ZNF750: variants seen among roughly 807,000 people sequenced by gnomAD.
ZNF750 encodes protein ZNF750.
In ZNF750, 10 loss-of-function variants were observed where a neutral mutation model predicts 31.6. That is an observed-to-expected ratio of 0.32 (90% CI 0.19 to 0.54). ZNF750 has a LOEUF of 0.54. ZNF750 is among the 20% of genes least tolerant of loss of function. ZNF750 has a pLI of 0.95. For synonymous variants in ZNF750, 400 were observed against 404.9 expected, an observed-to-expected ratio of 0.99 and a Z score of 0.15; for missense variants, 914 against 934.9, an observed-to-expected ratio of 0.98 and a Z score of 0.29.
rs1327667083 is a variant in ZNF750, at chr17:82,831,706, T to C, written c.749A>G (p.His250Arg). ...PEYPPHFYTE[H>R]GLATIYSPYL... ...AGGCGAGTAGATGGTGGCCAGCCCG[T>C]GCTCTGTGTAAAAGTGAGGCGGGTA... The change falls in exon 2 of 3, where the codon CAC becomes CGC. Residue 250 changes from histidine (H) to arginine (R), a missense_variant. His to Arg is a conservative substitution (Grantham distance 29). This residue lies in a region of ZNF750 where 880 missense variants were observed against 868.9 expected (regional missense o/e 1.01). Coordinates refer to ENST00000269394, the MANE Select transcript of ZNF750 (RefSeq NM_024702.3). The surrounding 1 kb of genome is among the most constrained non-coding windows in gnomAD (Gnocchi z 4.6). 4 of 1,614,002 alleles carry C rather than the reference T, an allele frequency of 2.5e-6. No homozygotes were observed. The highest frequency in any genetic ancestry group is 3.4e-6 in the Non-Finnish European group (4 of 1,180,040).
chr17:82,832,532 A>G lies in ZNF750; in HGVS notation c.-78T>C, dbSNP rs920885170. The stretch of plus-strand genomic sequence containing the variant: ...ACGCCGCGTGCACTTCGTGGTTTCT[A>G]AAGAGGCACCTCCCGCTTTGCTTTC... On this transcript the variant is annotated 5_prime_UTR_variant, in exon 2 of 3. Coordinates refer to ENST00000269394, the MANE Select transcript of ZNF750 (RefSeq NM_024702.3). The surrounding 1 kb of genome is among the most constrained non-coding windows in gnomAD (Gnocchi z 4.9). 7 of 1,293,996 alleles carry G rather than the reference A, an allele frequency of 5.4e-6. No homozygotes were observed. The highest frequency in any genetic ancestry group is 2.9e-5 in the African/African-American group (2 of 68,910). 80.2% of individuals were successfully genotyped at this position (1,293,996 alleles called of 1,614,324 possible). A position where few individuals can be genotyped will look rare whatever the true frequency, so the allele number is the denominator to read the frequency against.
rs146491968 is a variant in ZNF750, at chr17:82,832,031, C to T, written c.424G>A (p.Ala142Thr). The change falls in exon 2 of 3, where the codon GCT (alanine) becomes ACT (threonine). Residue 142 changes from alanine (A) to threonine (T), a missense_variant. Coordinates refer to ENST00000269394, the MANE Select transcript of ZNF750 (RefSeq NM_024702.3). The surrounding 1 kb of genome is among the most constrained non-coding windows in gnomAD (Gnocchi z 4.9). Reference sequence around the variant, plus strand: ...TGGGCACCGAGGGCGGCTTCCGGAGCTGGGCTCTTGCAGGGTGATGCCCTG... The same window carrying T: ...TGGGCACCGAGGGCGGCTTCCGGAGTTGGGCTCTTGCAGGGTGATGCCCTG... ...LHRASPCKSP[A>T]PEAALGAQPA... 1,059 of 1,612,770 alleles carry T rather than the reference C, an allele frequency of 6.6e-4. 1 individual carries two copies. Among genetic ancestry groups the T allele is most frequent in the Non-Finnish European group, 5.7e-4 (669 of 1,178,908 alleles).
intron 1 of ZNF750, chr17:82,838,855 C>T (rs1251520851): frequency 1.0e-6 from 1 of 985,318 alleles, no homozygotes; most frequent in African/African-American, 1.7e-5. Flanking sequence ...ACGCTCACCA[C>T]TTTACAGTCG....
rs545667847 is a variant in ZNF750 at position 82,831,177 on chromosome 17, G to C, written c.1278C>G (p.Thr426=). The C allele has an allele frequency of 3.0e-5, 49 of 1,614,052 alleles. No homozygotes were observed. In the East Asian group the frequency reaches 1.1e-3, roughly 36 times the overall value. The change falls in exon 2 of 3, where the codon ACC becomes ACG. Residue 426 remains threonine, a synonymous_variant. Coordinates refer to ENST00000269394, the MANE Select transcript of ZNF750 (RefSeq NM_024702.3). This position sits in a 1 kb window ranked among gnomAD's most constrained non-coding sequence, Gnocchi z 4.6. ...SPTDFMQTSQ[T]CEGLYDLSNK... is the part of the protein sequence containing the mutation. ...TGGAGAGGTCGTACAGGCCTTCGCA[G>C]GTCTGGCTCGTCTGCATGAAGTCGG...
In ZNF750 at chr17:82,830,327, A is replaced by G; in HGVS notation, c.1987T>C (p.Cys663Arg). Residue 663 changes from cysteine to arginine, a missense_variant, in exon 3 of 3, where the codon TGC becomes CGC. Coordinates refer to ENST00000269394, the MANE Select transcript of ZNF750 (RefSeq NM_024702.3). ...CTCAGTGTGGGTGTGTCTTGCCGGCAGGCAGGTTCCGGGGCCGCAGCATCC... is the reference window on the plus strand; with the variant it reads ...CTCAGTGTGGGTGTGTCTTGCCGGCGGGCAGGTTCCGGGGCCGCAGCATCC... ...DGDAAAPEPA[C>R]RQDTPTLSSM... 6.2e-7 allele frequency: 1 copy of G among 1,614,026 alleles called. No homozygotes were observed. The highest frequency in any genetic ancestry group is 8.5e-7 in the Non-Finnish European group (1 of 1,180,016).
Position 82,830,246 on chromosome 17 carries a change from T to C in ZNF750, c.2068A>G (p.Thr690Ala). 1 of 1,614,240 alleles carries C rather than the reference T, an allele frequency of 6.2e-7. No homozygotes were observed. Among genetic ancestry groups the C allele is most frequent in the South Asian group, 1.1e-5 (1 of 91,084 alleles). Residue 690 changes from threonine to alanine, a missense_variant, in exon 3 of 3, where the codon ACA becomes GCA. Transcript: ENST00000269394. ...CDLRPKGQKR[T>A]SLRDAGKSQQ... ...GATTTTCCAGCATCCCTTAGACTTG[T>C]CCTCTTTTGTCCTTTGGGTCTGAGG...
chr17:82,830,368 A>G lies in ZNF750; in HGVS notation c.1946T>C (p.Ile649Thr), dbSNP rs760148485. ...CQLAAYSPRN[I>T]RVGDGDAAAP... ...CGCAGCATCCCCATCGCCCACCCGG[A>G]TGTTCCTGGGGCTGTAGGCCGCCAG... Residue 649 changes from isoleucine (I) to threonine (T), a missense_variant, in exon 3 of 3, where the codon ATC (isoleucine) becomes ACC (threonine). Around this residue, in one of 2 missense-constraint regions of ZNF750, gnomAD observed 880 missense variants for 868.9 expected, o/e 1.01. Transcript: ENST00000269394. 3.7e-5 allele frequency: 59 copies of G among 1,612,994 alleles called. No homozygotes were observed. Among genetic ancestry groups the G allele is most frequent in the Non-Finnish European group, 4.8e-5 (57 of 1,180,026 alleles).
In ZNF750 at chr17:82,832,623, C is replaced by T. The variant is rs1292535898; in HGVS notation, c.-169G>A. 13 of 669,028 alleles carry T rather than the reference C, an allele frequency of 1.9e-5. No homozygotes were observed. The highest frequency in any genetic ancestry group is 2.6e-5 in the Non-Finnish European group (10 of 383,010). The allele number at this position is 669,028 out of a possible 1,614,324, so 41.4% of individuals were successfully genotyped here. On this transcript the variant is annotated 5_prime_UTR_variant, in exon 2 of 3. Transcript: ENST00000269394. The surrounding 1 kb of genome is among the most constrained non-coding windows in gnomAD (Gnocchi z 4.9). ...AGGGTCTGGCGAGAGCCTCCGTCAT[C>T]TGGCGGCTGGGAGCTGTAATAAAGA...
intron 1 of ZNF750, chr17:82,838,525 G>A (rs1292528480): frequency 2.1e-6 from 1 of 483,236 alleles, no homozygotes; most frequent in Admixed American, 6.4e-5. Flanking sequence ...CATTGTGAAG[G>A]GCATGCTGTA....
In ZNF750 at chr17:82,831,201, G is replaced by T. The variant is rs564314163; in HGVS notation, c.1254C>A (p.Thr418=). The T allele has an allele frequency of 4.3e-6, 7 of 1,614,106 alleles. No individual in the cohort carries two copies. In the South Asian group the frequency reaches 6.6e-5, roughly 15 times the overall value. The change falls in exon 2 of 3, where the codon ACC becomes ACA. Residue 418 remains threonine (T), a synonymous_variant. Transcript: ENST00000269394. The surrounding 1 kb of genome is among the most constrained non-coding windows in gnomAD (Gnocchi z 4.6). The stretch of plus-strand genomic sequence containing the variant: ...AGGTCTGGCTCGTCTGCATGAAGTC[G>T]GTGGGGCTCGGCCTCCCTGGGGAGC... ...ATGSPGRPSP[T]DFMQTSQTCE... is the part of the protein sequence containing the mutation.
rs200646539 is a variant in ZNF750, at chr17:82,830,266, C to T, written c.2048G>A (p.Arg683Lys). The T allele has an allele frequency of 4.3e-6, 7 of 1,614,230 alleles. No homozygotes were observed. The Admixed American group carries it at 1.2e-4, about 27-fold the overall frequency. Reference sequence around the variant, plus strand: ...ACTTGTCCTCTTTTGTCCTTTGGGTCTGAGGTCACACTGGGCCTCTTGGCT... The same window carrying T: ...ACTTGTCCTCTTTTGTCCTTTGGGTTTGAGGTCACACTGGGCCTCTTGGCT... ...MESQEAQCDL[R>K]PKGQKRTSLR... Residue 683 changes from arginine (R) to lysine (K), a missense_variant, in exon 3 of 3, where the codon AGA (arginine) becomes AAA (lysine). Around this residue, in one of 2 missense-constraint regions of ZNF750, gnomAD observed 880 missense variants for 868.9 expected, o/e 1.01. Coordinates refer to ENST00000269394, the MANE Select transcript of ZNF750 (RefSeq NM_024702.3).
At position 82,829,896 on chromosome 17, in the gene ZNF750, C is replaced by T. The variant is rs1329731385; in HGVS notation, c.*246G>A. On this transcript the variant is annotated 3_prime_UTR_variant, in exon 3 of 3. Transcript: ENST00000269394. ...GTAAGACAGCTTAGACTTGAAAATACATATCAGTCTTAGAGTCATTCAGGT... is the reference window on the plus strand; with the variant it reads ...GTAAGACAGCTTAGACTTGAAAATATATATCAGTCTTAGAGTCATTCAGGT... The T allele has an allele frequency of 8.6e-6, 5 of 580,088 alleles. No homozygotes were observed. Among genetic ancestry groups the T allele is most frequent in the African/African-American group, 5.6e-5 (3 of 53,588 alleles). 35.9% of individuals were successfully genotyped at this position (580,088 alleles called of 1,614,324 possible).
intron 1 of ZNF750, chr17:82,838,758 G>T: frequency 1.0e-6 from 1 of 985,432 alleles, no homozygotes; most frequent in Non-Finnish European, 1.2e-6. Context: ...ATGTAATTTG[G>T]AAGAATGGAT....
chr17:82,836,726 AAAAC>A (rs373697461), intron 1 of ZNF750, among the ~76,000 whole-genome samples: 24 of 152,048 alleles, frequency 1.6e-4, no homozygotes, highest in East Asian at 7.7e-4. Flanking sequence ...AAAAAACAAA[AAAAC>A]AAAAAAACCC....
At position 82,831,794 on chromosome 17, in the gene ZNF750, T is replaced by C; in HGVS notation, c.661A>G (p.Lys221Glu). 1 of 1,614,098 alleles carries C rather than the reference T, an allele frequency of 6.2e-7. No homozygotes were observed. The highest frequency in any genetic ancestry group is 8.5e-7 in the Non-Finnish European group (1 of 1,180,024). The change falls in exon 2 of 3, where the codon AAA becomes GAA. Residue 221 changes from lysine to glutamate, a missense_variant. Coordinates refer to ENST00000269394, the MANE Select transcript of ZNF750 (RefSeq NM_024702.3). This position sits in a 1 kb window ranked among gnomAD's most constrained non-coding sequence, Gnocchi z 4.6. ...SPFLPPEFPH[K>E]ISSTKGLGAI... ...CCAAGCCCCTTTGTAGATGAGATTT[T>C]ATGTGGAAACTCTGGTGGAAGGAAA...
In ZNF750 at chr17:82,832,902, G is replaced by A. The variant is rs752243172; in HGVS notation, c.-182-266C>T. On this transcript the variant is annotated intron_variant, in intron 1 of 2. Coordinates refer to ENST00000269394, the MANE Select transcript of ZNF750 (RefSeq NM_024702.3). The surrounding 1 kb of genome is among the most constrained non-coding windows in gnomAD (Gnocchi z 4.9). ...GGGGCCTAGAGGTGGAGTGTGGTGTGTGGTGCGTTGAGTGTCTGTTCTGAG... is the reference window on the plus strand; with the variant it reads ...GGGGCCTAGAGGTGGAGTGTGGTGTATGGTGCGTTGAGTGTCTGTTCTGAG... Among the ~76,000 whole-genome samples the A allele has an allele frequency of 4.6e-5, 7 of 152,200 alleles. No individual in the cohort carries two copies. Among genetic ancestry groups the A allele is most frequent in the Admixed American group, 1.3e-4 (2 of 15,292 alleles).
Position 82,830,713 on chromosome 17 carries a change from C to T in ZNF750, c.1601G>A (p.Gly534Asp), listed in dbSNP as rs1369368361. Residue 534 changes from glycine (G) to aspartate (D), a missense_variant, in exon 3 of 3, where the codon GGC becomes GAC. Physicochemically the swap from Gly to Asp is moderately conservative, Grantham distance 94 (BLOSUM62 -1). Around this residue, in one of 2 missense-constraint regions of ZNF750, gnomAD observed 880 missense variants for 868.9 expected, o/e 1.01. Coordinates refer to ENST00000269394, the MANE Select transcript of ZNF750 (RefSeq NM_024702.3). ...LAATHEPTYQ[G>D]SPQAETASFS... is the part of the protein sequence containing the mutation. ...GCTGGCGGTTTCCGCCTGGGGGCTG[C>T]CTTGGTACGTGGGTTCGTGGGTGGC... 2 of 1,613,976 alleles carry T rather than the reference C, an allele frequency of 1.2e-6. No individual in the cohort carries two copies. The highest frequency in any genetic ancestry group is 2.2e-5 in the East Asian group (1 of 44,862).
chr17:82,831,088 C>T lies in ZNF750; in HGVS notation c.1367G>A (p.Arg456Lys), dbSNP rs779749801. 32 of 1,614,048 alleles carry T rather than the reference C, an allele frequency of 2.0e-5. No homozygotes were observed. The highest frequency in any genetic ancestry group is 8.3e-5 in the Admixed American group (5 of 60,008). ...YPPEQSLTAFRPVKKSTECLP... is the reference protein window; with the variant it reads ...YPPEQSLTAFKPVKKSTECLP... ...GCATTCTGTGCTTTTCTTAACAGGC[C>T]TGAAGGCTGTGAGGCTTTGCTCTGG... Residue 456 changes from arginine to lysine, a missense_variant, in exon 2 of 3, where the codon AGG (arginine) becomes AAG (lysine). This residue lies in a region of ZNF750 where 880 missense variants were observed against 868.9 expected (regional missense o/e 1.01). Transcript: ENST00000269394. The surrounding 1 kb of genome is among the most constrained non-coding windows in gnomAD (Gnocchi z 4.6).
intron 1 of ZNF750, chr17:82,838,675 A>T: frequency 1.0e-6 from 1 of 985,452 alleles, no homozygotes; most frequent in South Asian, 4.7e-5. Flanking sequence ...ACTCCCTCCC[A>T]GCCTTTCGGT....
Sources: allele counts gnomAD v4.1 joint callset (sites outside exome capture counted in the v4.1 genomes callset), GRCh38; gene constraint gnomAD v4.1.1; regional missense constraint gnomAD v4.1.1; non-coding constraint Gnocchi (gnomAD v3.1); transcripts MANE v1.5; gene names NCBI Gene and HGNC (gene_info 2026-07-23, HGNC 2026-07-21).